ZNF516: variants seen among roughly 807,000 people sequenced by gnomAD.
The protein encoded by ZNF516 is zinc finger protein 516.
ZNF516 carries 19 observed loss-of-function variants against 79.7 expected under a neutral mutation model. The observed-to-expected ratio is 0.24, with a 90% CI of 0.17 to 0.35. ZNF516 has a LOEUF of 0.35. Among genes scored for constraint, ZNF516 ranks in the 10% least tolerant of loss-of-function variants. The pLI, the probability that ZNF516 is intolerant of heterozygous loss-of-function variation, is 1.00. For missense variants in ZNF516, 1,678 were observed against 1,679.5 expected, an observed-to-expected ratio of 1.00 and a Z score of 0.02; for synonymous variants, 877 against 739.5, an observed-to-expected ratio of 1.19 and a Z score of -3.02.
chr18:76,381,268 T>C (rs919472700), intron 3 of ZNF516, among the ~76,000 whole-genome samples: 4 of 152,220 alleles, frequency 2.6e-5, no homozygotes, highest in African/African-American at 9.6e-5. Context: ...AATTCGGTTT[T>C]ATGTTTTGCA....
chr18:76,463,690 C>T (rs370857464), intron 1 of ZNF516, among the ~76,000 whole-genome samples: 3 of 152,186 alleles, frequency 2.0e-5, no homozygotes, highest in Admixed American at 6.5e-5. Flanking sequence ...AGTCTGTGAC[C>T]GCAACGCAGA....
At chr18:76,413,077 G>T (rs750717033) in intron 3 of ZNF516, among the ~76,000 whole-genome samples, 4 of 152,226 alleles carry the variant, frequency 2.6e-5, no homozygotes, top group Non-Finnish European at 5.9e-5. Flanking sequence ...AGCGGGAAGC[G>T]GAGGCAGAAA....
intron 6 of ZNF516, among the ~76,000 whole-genome samples, chr18:76,369,543 T>C (rs2074668951): frequency 6.6e-6 from 1 of 152,222 alleles, no homozygotes; most frequent in African/African-American, 2.4e-5. Context: ...ATCTTTTTCC[T>C]CTAGAAATAA....
intron 1 of ZNF516, chr18:76,490,547 G>A (rs1915112202): frequency 6.1e-6 from 1 of 163,664 alleles, no homozygotes; most frequent in African/African-American, 2.4e-5. Flanking sequence ...ATATTAATAA[G>A]GTGGTTTTTA....
intron 3 of ZNF516, chr18:76,387,139 G>C (rs775146886): frequency 6.6e-6 from 1 of 152,280 alleles, no homozygotes. Flanking sequence ...ACCGTGGGAC[G>C]AGCCTGCAGC....
At chr18:76,405,720 T>C (rs993687530) in intron 3 of ZNF516, among the ~76,000 whole-genome samples, 4 of 152,010 alleles carry the variant, frequency 2.6e-5, no homozygotes, top group African/African-American at 4.8e-5. Flanking sequence ...ACGCCCCCGG[T>C]TGGTGACTCC....
chr18:76,466,176 G>A (rs182548979), intron 1 of ZNF516, among the ~76,000 whole-genome samples: 3 of 152,240 alleles, frequency 2.0e-5, no homozygotes, highest in Admixed American at 6.5e-5. Context: ...CAGGCTCCGG[G>A]AGAGATTTGA....
At chr18:76,388,419 C>T (rs986999726) in intron 3 of ZNF516, 2 of 152,310 alleles carry the variant, frequency 1.3e-5, no homozygotes, top group Non-Finnish European at 2.9e-5. Context: ...CTTGCTACCC[C>T]TCCTGTAAGG....
intron 3 of ZNF516, among the ~76,000 whole-genome samples, chr18:76,425,733 G>C (rs1045037369): frequency 2.0e-5 from 3 of 152,164 alleles, no homozygotes; most frequent in African/African-American, 7.2e-5. Context: ...ACCTTGTCCT[G>C]CATTTTTCAG....
At chr18:76,465,659 G>A (rs1369135126) in intron 1 of ZNF516, among the ~76,000 whole-genome samples, 1 of 152,228 alleles carries the variant, frequency 6.6e-6, no homozygotes, top group African/African-American at 2.4e-5. Context: ...TCTCCCTGCG[G>A]GAGAAGGTTA....
chr18:76,472,466 T>C (rs1205741453), intron 1 of ZNF516, among the ~76,000 whole-genome samples: 1 of 152,260 alleles, frequency 6.6e-6, no homozygotes, highest in Non-Finnish European at 1.5e-5. Flanking sequence ...TGCATGTATG[T>C]GTGTATATAC....
At chr18:76,382,979 T>C (rs1384450373) in intron 3 of ZNF516, among the ~76,000 whole-genome samples, 1 of 136,010 alleles carries the variant, frequency 7.4e-6, no homozygotes, top group Non-Finnish European at 1.5e-5. Context: ...GAGGCTGCAG[T>C]GAGCCGAGAT....
chr18:76,490,860 C>T, intron 1 of ZNF516: 1 of 985,516 alleles, frequency 1.0e-6, no homozygotes. Context: ...CCTGGAAGGC[C>T]AGCCCAACGC....
chr18:76,444,746 C>T (rs367857854), intron 2 of ZNF516, among the ~76,000 whole-genome samples: 2 of 152,214 alleles, frequency 1.3e-5, no homozygotes, highest in Non-Finnish European at 2.9e-5. Context: ...ATACCTCCCC[C>T]ACGGGGGTCG....
At chr18:76,454,398 A>C (rs1274875081) in intron 2 of ZNF516, among the ~76,000 whole-genome samples, 2 of 152,252 alleles carry the variant, frequency 1.3e-5, no homozygotes, top group East Asian at 3.8e-4. Flanking sequence ...TACAAACACC[A>C]ATCAATACTT....
chr18:76,369,715 C>A (rs992583314), intron 6 of ZNF516, among the ~76,000 whole-genome samples: 1 of 152,142 alleles, frequency 6.6e-6, no homozygotes, highest in Non-Finnish European at 1.5e-5. Context: ...CACCCAGACA[C>A]GGCTTGACTC....
At chr18:76,390,032 G>A (rs689974) in intron 3 of ZNF516, among the ~76,000 whole-genome samples, 152,192 of 152,336 alleles carry the variant, frequency 1, 76,025 homozygotes, top group Middle Eastern at 1. Flanking sequence ...GGTTAAAACA[G>A]AACAGAAACA....
intron 3 of ZNF516, among the ~76,000 whole-genome samples, chr18:76,408,013 T>C (rs689902): frequency 0.58 from 87,878 of 152,174 alleles, 25,458 homozygotes; most frequent in South Asian, 0.68. Flanking sequence ...GCTTCTGTCC[T>C]CTGTAGTTTT....
intron 3 of ZNF516, among the ~76,000 whole-genome samples, chr18:76,432,362 C>T (rs912350243): frequency 1.3e-5 from 2 of 152,262 alleles, no homozygotes; most frequent in Non-Finnish European, 1.5e-5. Flanking sequence ...CCTTCCGTGC[C>T]AACACCGTGC....
Sources: gnomAD v4.1 joint callset for allele counts (sites outside exome capture counted in the v4.1 genomes callset) on GRCh38, gnomAD v4.1.1 for gene constraint, MANE v1.5 for transcripts, NCBI Gene and HGNC (gene_info 2026-07-23, HGNC 2026-07-21) for gene names.